The following RCOR1 variants were observed in gnomAD, a reference collection of about 807,000 sequenced individuals.
RCOR1 encodes REST corepressor.
RCOR1 carries 12 observed loss-of-function variants against 64.0 expected under a neutral mutation model. The observed-to-expected ratio is 0.19, with a 90% CI of 0.12 to 0.30. RCOR1 has a LOEUF of 0.30. RCOR1 is among the 10% of genes least tolerant of loss of function. RCOR1 has a pLI of 1.00. For missense variants in RCOR1, 502 were observed against 621.2 expected, an observed-to-expected ratio of 0.81 and a Z score of 2.04; for synonymous variants, 279 against 227.2, an observed-to-expected ratio of 1.23 and a Z score of -2.05.
rs529816234 is a variant in RCOR1 at position 102,728,461 on chromosome 14, A to G, written c.*1955A>G. On this transcript the variant is annotated 3_prime_UTR_variant, in exon 12 of 12. Coordinates refer to ENST00000262241, the MANE Select transcript of RCOR1 (RefSeq NM_015156.4). ...TAAGTTTGCACATTGCATAAAGGGT[A>G]CACTAAGGTATGAGCTGAAGCTTTA... The G allele has an allele frequency of 1.3e-5, 2 of 152,318 alleles. No homozygotes were observed. Among genetic ancestry groups the G allele is most frequent in the East Asian group, 3.9e-4 (2 of 5,186 alleles). The allele number at this position is 152,318 out of a possible 1,614,324, so 9.4% of individuals were successfully genotyped here. A position where few individuals can be genotyped will look rare whatever the true frequency, so the allele number is the denominator to read the frequency against.
chr14:102,629,031 C>A (rs1894044436), intron 2 of RCOR1, among the ~76,000 whole-genome samples: 1 of 152,020 alleles, frequency 6.6e-6, no homozygotes, highest in Non-Finnish European at 1.5e-5. Flanking sequence ...GTAGCTGGGA[C>A]TACAGGCGTG....
intron 2 of RCOR1, among the ~76,000 whole-genome samples, chr14:102,628,146 C>T (rs74082447): frequency 0.029 from 4,338 of 152,168 alleles, 212 homozygotes; most frequent in African/African-American, 0.1. Context: ...AGAGGAGTTC[C>T]CTCTTAAACT....
chr14:102,670,672 A>G (rs937027762), intron 2 of RCOR1, among the ~76,000 whole-genome samples: 4 of 151,676 alleles, frequency 2.6e-5, no homozygotes, highest in Admixed American at 2.6e-4. Context: ...AGTAGAGTTT[A>G]GGATTGTAGA....
intron 2 of RCOR1, among the ~76,000 whole-genome samples, chr14:102,640,002 C>T (rs1437275804): frequency 6.6e-6 from 1 of 152,176 alleles, no homozygotes; most frequent in African/African-American, 2.4e-5. Context: ...TCTGCCACCA[C>T]ACCCGGCTAA....
intron 2 of RCOR1, among the ~76,000 whole-genome samples, chr14:102,628,160 C>T (rs756220497): frequency 1.3e-5 from 2 of 152,112 alleles, no homozygotes; most frequent in Admixed American, 1.3e-4. Context: ...TTAAACTCAG[C>T]CTTTTTGTTC....
At chr14:102,726,344 A>AT in intron 11 of RCOR1, 124 bp from the exon 12 acceptor site, 39 of 763,882 alleles carry the variant, frequency 5.1e-5, no homozygotes, top group Middle Eastern at 3.6e-4. Context: ...AAAAAAAAAA[A>AT]GAACTCGGTG....
chr14:102,721,412 C>T (rs371579229), intron 10 of RCOR1, 35 bp downstream of exon 10: 19 of 1,536,144 alleles, frequency 1.2e-5, no homozygotes, highest in African/African-American at 8.2e-5. Context: ...TTTAGGAGGC[C>T]GGCTGTGGTG....
chr14:102,594,433 C>T (rs1426129453), intron 2 of RCOR1, among the ~76,000 whole-genome samples: 2 of 152,062 alleles, frequency 1.3e-5, no homozygotes, highest in Non-Finnish European at 2.9e-5. Flanking sequence ...TTGAAAAAGG[C>T]GATTGCTCTC....
At chr14:102,651,108 G>A in intron 2 of RCOR1, 1 of 984,238 alleles carries the variant, frequency 1.0e-6, no homozygotes, top group Non-Finnish European at 1.2e-6. Flanking sequence ...TTGACAGTAT[G>A]TTTGGTGCTG....
intron 3 of RCOR1, among the ~76,000 whole-genome samples, chr14:102,695,955 G>A (rs932828371): frequency 6.6e-6 from 1 of 151,936 alleles, no homozygotes; most frequent in African/African-American, 2.4e-5. Context: ...AGTGATAATG[G>A]AACTATCAGA....
intron 2 of RCOR1, chr14:102,658,099 C>A: frequency 7.6e-6 from 2 of 263,766 alleles, no homozygotes; most frequent in African/African-American, 2.3e-5. Flanking sequence ...CTCAGCCTCC[C>A]AAGTAATTGG....
chr14:102,608,069 A>G (rs1893551762), intron 2 of RCOR1, among the ~76,000 whole-genome samples: 1 of 152,108 alleles, frequency 6.6e-6, no homozygotes, highest in African/African-American at 2.4e-5. Context: ...AAAAAAAACA[A>G]CAAAATTAAC....
intron 2 of RCOR1, chr14:102,658,500 A>G (rs1417874805): frequency 1.0e-6 from 1 of 981,034 alleles, no homozygotes; most frequent in Non-Finnish European, 1.2e-6. Context: ...AATAATAAAA[A>G]TGGTTTTCTT....
intron 2 of RCOR1, among the ~76,000 whole-genome samples, chr14:102,673,331 C>T (rs993189330): frequency 2.7e-5 from 4 of 148,200 alleles, no homozygotes; most frequent in African/African-American, 1.0e-4. Context: ...TATCCAATCC[C>T]TGATTTTTTT....
chr14:102,635,659 A>G (rs1048124547), intron 2 of RCOR1, among the ~76,000 whole-genome samples: 1 of 151,012 alleles, frequency 6.6e-6, no homozygotes, highest in African/African-American at 2.4e-5. Flanking sequence ...AAGTTGACAC[A>G]TTTTTTTTTC....
Position 102,706,855 on chromosome 14 carries a change from T to A in RCOR1, c.499-496T>A, listed in dbSNP as rs554283187. On this transcript the variant is annotated intron_variant, in intron 4 of 11. Transcript: ENST00000262241. ...ATAATAATAATAATAATAAATTTTT[T>A]AAAATTTATTTTAGAAGAATTATTT... 3.0e-3 allele frequency among the ~76,000 whole-genome samples: 459 copies of A among 151,610 alleles called. 1 individual carries two copies. Among genetic ancestry groups the A allele is most frequent in the Admixed American group, 5.7e-3 (87 of 15,270 alleles).
intron 3 of RCOR1, among the ~76,000 whole-genome samples, chr14:102,689,678 T>C (rs112825652): frequency 5.3e-4 from 80 of 152,298 alleles, no homozygotes; most frequent in African/African-American, 1.8e-3. Context: ...ACTGGTCCAG[T>C]GGTAAGAATC....
chr14:102,657,789 G>C (rs191397315), intron 2 of RCOR1: 2 of 750,670 alleles, frequency 2.7e-6, no homozygotes, highest in East Asian at 2.9e-4. Context: ...AGTGAGCCTA[G>C]ATCACTCCAT....
intron 3 of RCOR1, among the ~76,000 whole-genome samples, chr14:102,698,997 C>T (rs754474339): frequency 6.6e-6 from 1 of 152,076 alleles, no homozygotes; most frequent in Non-Finnish European, 1.5e-5. Flanking sequence ...TGGCTCACTG[C>T]AACCTCAGCC....
Sources: allele counts gnomAD v4.1 joint callset (sites outside exome capture counted in the v4.1 genomes callset), GRCh38; gene constraint gnomAD v4.1.1; transcripts MANE v1.5; gene names NCBI Gene and HGNC (gene_info 2026-07-23, HGNC 2026-07-21).